MBNL2: variants seen among roughly 807,000 people sequenced by gnomAD.
MBNL2 encodes the protein muscleblind like splicing regulator 2.
Under a neutral mutation model 41.9 loss-of-function variants are expected in MBNL2, and 17 were observed. The ratio of observed to expected loss-of-function variants is 0.41; its 90% CI spans 0.28 to 0.61. MBNL2 has a LOEUF of 0.61. Among genes scored for constraint, MBNL2 ranks in the 20% least tolerant of loss-of-function variants. The pLI is 0.35. For synonymous variants in MBNL2, 195 were observed against 182.9 expected (o/e 1.07, Z -0.53); for missense variants, 336 against 505.6 (o/e 0.66, Z 3.22).
chr13:97,161,420 C>T, the MBNL2 span, among the ~76,000 whole-genome samples: 35 of 152,258 alleles, frequency 2.3e-4, no homozygotes, highest in Non-Finnish European at 3.5e-4. Flanking sequence ...GGTTGGACTT[C>T]AAGTCTGAAA....
intron 5 of MBNL2, among the ~76,000 whole-genome samples, chr13:97,352,042 AAAT>A (rs1326319571): frequency 1.4e-5 from 1 of 73,528 alleles, no homozygotes; most frequent in Non-Finnish European, 2.2e-5. Context: ...AAATATAAAT[AAAT>A]AAATAAATAA....
rs145730543 is a variant in MBNL2, at chr13:97,240,969, G to A, written c.-605+18438G>A. On this transcript the variant is annotated intron_variant, in intron 1 of 8. Coordinates refer to ENST00000679496, the MANE Select transcript of MBNL2 (RefSeq NM_001382683.1). ...GCTCACACAGGGGCCAAACTCCTGA[G>A]CTTAAAACTTTTGGAAATGAATGAC... Among the ~76,000 whole-genome samples, 497 of 152,282 alleles carry A rather than the reference G, an allele frequency of 3.3e-3. 3 individuals are homozygous for A. Among genetic ancestry groups the A allele is most frequent in the African/African-American group, 0.011 (476 of 41,550 alleles).
chr13:97,173,838 CA>C, the MBNL2 span, among the ~76,000 whole-genome samples: 2 of 152,182 alleles, frequency 1.3e-5, no homozygotes, highest in Non-Finnish European at 2.9e-5. Context: ...AATCATCTTT[CA>C]GTACTTATCG....
At chr13:97,185,557 G>A in the MBNL2 span, among the ~76,000 whole-genome samples, 1 of 152,178 alleles carries the variant, frequency 6.6e-6, no homozygotes, top group African/African-American at 2.4e-5. Flanking sequence ...GAGATAAGAG[G>A]GTGAGAGAAG....
chr13:97,304,578 A>C (rs1171116446), intron 2 of MBNL2, among the ~76,000 whole-genome samples: 6 of 152,216 alleles, frequency 3.9e-5, no homozygotes, highest in Non-Finnish European at 8.8e-5. Context: ...AGATCTTTAA[A>C]GACTTGATTT....
intron 2 of MBNL2, among the ~76,000 whole-genome samples, chr13:97,327,606 G>A (rs1594214882): frequency 1.4e-5 from 2 of 140,486 alleles, no homozygotes; most frequent in Admixed American, 7.2e-5. Flanking sequence ...ATTTTGGAAT[G>A]AAGCCACAGC....
the MBNL2 span, among the ~76,000 whole-genome samples, chr13:97,196,382 C>G: frequency 1.4e-4 from 21 of 152,150 alleles, no homozygotes; most frequent in Non-Finnish European, 1.0e-4. Context: ...TTTAGCACTC[C>G]TTTGTCATTC....
chr13:97,297,494 G>A (rs893847521), intron 2 of MBNL2, among the ~76,000 whole-genome samples: 17 of 152,200 alleles, frequency 1.1e-4, no homozygotes, highest in African/African-American at 3.6e-4. Context: ...ATTGGGGTGG[G>A]AATGGGTAAG....
At chr13:97,256,799 C>G (rs1165884918) in intron 1 of MBNL2, among the ~76,000 whole-genome samples, 1 of 152,130 alleles carries the variant, frequency 6.6e-6, no homozygotes, top group African/African-American at 2.4e-5. Context: ...TCTTTTGATT[C>G]TTAGCAGTGT....
At chr13:97,202,769 A>T in the MBNL2 span, among the ~76,000 whole-genome samples, 1 of 152,226 alleles carries the variant, frequency 6.6e-6, no homozygotes, top group South Asian at 2.1e-4. Flanking sequence ...AATGCTCTTG[A>T]CTATAAAGAT....
At chr13:97,146,938 C>T in the MBNL2 span, among the ~76,000 whole-genome samples, 1 of 152,152 alleles carries the variant, frequency 6.6e-6, no homozygotes, top group East Asian at 1.9e-4. Context: ...ATGGGGGGTT[C>T]CTGCTATGCT....
At chr13:97,168,790 A>C in the MBNL2 span, among the ~76,000 whole-genome samples, 1 of 152,250 alleles carries the variant, frequency 6.6e-6, no homozygotes, top group African/African-American at 2.4e-5. Flanking sequence ...AGGACTGCCA[A>C]GTCATGTTTT....
intron 2 of MBNL2, among the ~76,000 whole-genome samples, chr13:97,282,796 T>C (rs140401580): frequency 6.6e-6 from 1 of 152,338 alleles, no homozygotes; most frequent in Non-Finnish European, 1.5e-5. Context: ...AGTTTACTCC[T>C]GGAAATCCAT....
intron 2 of MBNL2, among the ~76,000 whole-genome samples, chr13:97,282,366 A>G (rs1229320007): frequency 5.3e-5 from 8 of 152,196 alleles, no homozygotes; most frequent in Non-Finnish European, 5.9e-5. Context: ...AGAAAAAAAT[A>G]AATAAATAAA....
intron 8 of MBNL2, among the ~76,000 whole-genome samples, chr13:97,368,818 G>C (rs963327978): frequency 2.0e-5 from 3 of 152,170 alleles, no homozygotes; most frequent in African/African-American, 7.2e-5. Flanking sequence ...GGAAGGGTGC[G>C]AGTGGAAAAG....
At chr13:97,210,021 C>T in the MBNL2 span, among the ~76,000 whole-genome samples, 2 of 152,146 alleles carry the variant, frequency 1.3e-5, no homozygotes, top group Admixed American at 6.5e-5. Context: ...GTCTCAAACT[C>T]CTGGCCTCAG....
chr13:97,345,487 G>C (rs542387238), intron 4 of MBNL2, among the ~76,000 whole-genome samples: 3 of 152,300 alleles, frequency 2.0e-5, no homozygotes, highest in Non-Finnish European at 4.4e-5. Flanking sequence ...AGGGGATAGA[G>C]AATCCTAGTT....
the MBNL2 span, among the ~76,000 whole-genome samples, chr13:97,157,341 C>G: frequency 2.3e-4 from 34 of 149,420 alleles, no homozygotes; most frequent in East Asian, 6.7e-3. Context: ...CATCTGCAAA[C>G]AGGGACAAAT....
At chr13:97,343,978 G>C (rs2061633879) in intron 4 of MBNL2, among the ~76,000 whole-genome samples, 1 of 152,066 alleles carries the variant, frequency 6.6e-6, no homozygotes, top group Admixed American at 6.5e-5. Context: ...GGCCAATTTT[G>C]TATTTTTAGT....
Sources: allele counts gnomAD v4.1 joint callset (sites outside exome capture counted in the v4.1 genomes callset), GRCh38; gene constraint gnomAD v4.1.1; transcripts MANE v1.5; gene names NCBI Gene and HGNC (gene_info 2026-07-23, HGNC 2026-07-21).